Variants in NDFIP1 observed in about 807,000 individuals in gnomAD.
NDFIP1 encodes the protein NEDD4 family-interacting protein 1.
A neutral mutation model predicts 28.8 loss-of-function variants in NDFIP1; 7 were observed. The ratio of observed to expected loss-of-function variants is 0.24; its 90% CI spans 0.14 to 0.46. NDFIP1 has a LOEUF of 0.46. NDFIP1 is among the 20% of genes least tolerant of loss of function. The probability of loss-of-function intolerance (pLI) is 0.99; values close to 1 mark genes in which losing one functional copy is unlikely to be tolerated. For synonymous variants in NDFIP1, 92 were observed against 101.0 expected (o/e 0.91, Z 0.53); for missense variants, 194 against 269.1 (o/e 0.72, Z 1.95).
intron 1 of NDFIP1, among the ~76,000 whole-genome samples, chr5:142,110,899 GT>G (rs1757008207): frequency 6.6e-6 from 1 of 151,290 alleles, no homozygotes; most frequent in African/African-American, 2.4e-5. Context: ...ATGAACCAGG[GT>G]TTGTTCTCAT....
chr5:142,127,321 G>A (rs1757179916), intron 1 of NDFIP1, among the ~76,000 whole-genome samples: 1 of 152,090 alleles, frequency 6.6e-6, no homozygotes, highest in Non-Finnish European at 1.5e-5. Context: ...AACCTTAGTA[G>A]CACCTATTTG....
intron 1 of NDFIP1, among the ~76,000 whole-genome samples, chr5:142,121,425 G>A (rs1757120697): frequency 6.6e-6 from 1 of 152,110 alleles, no homozygotes; most frequent in East Asian, 1.9e-4. Flanking sequence ...ACATATGAAA[G>A]GAATACATAG....
Position 142,137,804 on chromosome 5 carries a change from T to C in NDFIP1, c.441T>C (p.Tyr147=), listed in dbSNP as rs1280972978. The C allele has an allele frequency of 6.2e-7, 1 of 1,614,086 alleles. No homozygotes were observed. The highest frequency in any genetic ancestry group is 1.7e-5 in the Admixed American group (1 of 60,008). The part of the protein sequence containing the change: ...FCLTTSAAGR[Y]GAISGFGLSL... ...TGACCACTTCAGCTGCAGGAAGGTA[T>C]GGGGCCATTTCAGGATTTGGTCTCT... Residue 147 remains tyrosine, a synonymous_variant, in exon 5 of 8, where the codon TAT becomes TAC. Transcript: ENST00000253814.
At chr5:142,149,028 CATAAT>C (rs1338016680) in intron 7 of NDFIP1, among the ~76,000 whole-genome samples, 1 of 151,732 alleles carries the variant, frequency 6.6e-6, no homozygotes, top group Non-Finnish European at 1.5e-5. Flanking sequence ...ACATATGAAG[CATAAT>C]ATATTTTAAA....
At chr5:142,111,253 A>G (rs149073253) in intron 1 of NDFIP1, among the ~76,000 whole-genome samples, 3 of 151,320 alleles carry the variant, frequency 2.0e-5, no homozygotes, top group African/African-American at 4.9e-5. Flanking sequence ...TGCTAGATAA[A>G]TAATGAAATA....
rs12332232 is a variant in NDFIP1 at position 142,147,417 on chromosome 5, G to C, written c.*2+2741G>C. 9.9e-3 allele frequency among the ~76,000 whole-genome samples: 1,509 copies of C among 152,230 alleles called. 25 individuals carry two copies. The highest frequency in any genetic ancestry group is 0.035 in the African/African-American group (1,443 of 41,560). ...GAAAACCGTCATGTGAAGTAAGAAA[G>C]CTTTATTTTTTTCCTCCCTATCGAT... On this transcript the variant is annotated intron_variant, in intron 7 of 7. Coordinates refer to ENST00000253814, the MANE Select transcript of NDFIP1 (RefSeq NM_030571.4).
chr5:142,134,502 A>C (rs1003166970), intron 3 of NDFIP1, among the ~76,000 whole-genome samples: 1 of 152,178 alleles, frequency 6.6e-6, no homozygotes, highest in Non-Finnish European at 1.5e-5. Flanking sequence ...AAGTTAGAAA[A>C]GGAAGCTGCC....
chr5:142,130,121 G>A (rs1596788334), intron 1 of NDFIP1, among the ~76,000 whole-genome samples: 1 of 151,990 alleles, frequency 6.6e-6, no homozygotes, highest in African/African-American at 2.4e-5. Context: ...AGACCCCTAC[G>A]TCAGTTATAT....
chr5:142,130,825 C>T (rs1378812487), intron 1 of NDFIP1, among the ~76,000 whole-genome samples: 1 of 152,096 alleles, frequency 6.6e-6, no homozygotes, highest in East Asian at 1.9e-4. Context: ...CTGTAAATGT[C>T]TCATTCTAGG....
In NDFIP1 at chr5:142,153,647, T is replaced by G. The variant is rs1757470200; in HGVS notation, c.*1919T>G. On this transcript the variant is annotated 3_prime_UTR_variant, in exon 8 of 8. Transcript: ENST00000253814. ...ATTTCGAATCAGATTATAGCAACAA[T>G]GGAGTTTGGAAGTTTGTATGGCCTA... 1 of 299,886 alleles carries G rather than the reference T, an allele frequency of 3.3e-6. No homozygotes were observed. Among genetic ancestry groups the G allele is most frequent in the Non-Finnish European group, 6.6e-6 (1 of 151,504 alleles). 18.6% of individuals were successfully genotyped at this position (299,886 alleles called of 1,614,324 possible). A position where few individuals can be genotyped will look rare whatever the true frequency, so the allele number is the denominator to read the frequency against.
chr5:142,111,827 G>A (rs1204947457), intron 1 of NDFIP1, among the ~76,000 whole-genome samples: 1 of 152,196 alleles, frequency 6.6e-6, no homozygotes, highest in East Asian at 1.9e-4. Context: ...AGCACTTTGG[G>A]AGGCCGAGGT....
intron 6 of NDFIP1, chr5:142,143,948 A>G (rs1757361051): frequency 6.6e-6 from 1 of 152,056 alleles, no homozygotes; most frequent in Admixed American, 6.6e-5. Flanking sequence ...GGCTGTGATC[A>G]TACCGCTGCA....
In NDFIP1 at chr5:142,131,840, A is replaced by C; in HGVS notation, c.96A>C (p.Glu32Asp). ...LQNEEESGEP[E>D]QAAGDAPPPY... ...ATGAAGAAGAGTCTGGAGAACCTGAACAGGCTGCAGGTGATGCTCCTCCAC... is the reference window on the plus strand; with the variant it reads ...ATGAAGAAGAGTCTGGAGAACCTGACCAGGCTGCAGGTGATGCTCCTCCAC... The change falls in exon 2 of 8, where the codon GAA (glutamate) becomes GAC (aspartate). Residue 32 changes from glutamate (E) to aspartate (D), a missense_variant. Transcript: ENST00000253814. 6.3e-7 allele frequency: 1 copy of C among 1,598,284 alleles called. No homozygotes were observed. The highest frequency in any genetic ancestry group is 8.5e-7 in the Non-Finnish European group (1 of 1,175,004).
chr5:142,147,002 C>T (rs1757396113), intron 7 of NDFIP1, among the ~76,000 whole-genome samples: 1 of 152,106 alleles, frequency 6.6e-6, no homozygotes, highest in South Asian at 2.1e-4. Flanking sequence ...AAGTGTTGAG[C>T]CTGCTGGTGC....
chr5:142,117,304 C>T (rs1757078830), intron 1 of NDFIP1, among the ~76,000 whole-genome samples: 3 of 147,026 alleles, frequency 2.0e-5, no homozygotes, highest in Admixed American at 2.0e-4. Context: ...AGTGCAGTGG[C>T]GAAATCTCAG....
chr5:142,141,680 A>G (rs141673729), intron 6 of NDFIP1, among the ~76,000 whole-genome samples: 1,776 of 152,256 alleles, frequency 0.012, 13 homozygotes, highest in Non-Finnish European at 0.017. Flanking sequence ...TGGCTATTAA[A>G]GATGGTGTGA....
intron 6 of NDFIP1, chr5:142,142,928 A>ATATATATATATAT: frequency 1.4e-5 from 1 of 72,854 alleles, no homozygotes; most frequent in African/African-American, 4.1e-5. Flanking sequence ...AAAAAAAAAA[A>ATATATATATATAT]AAAAAAAAAA....
chr5:142,144,441 G>T (rs761213975), intron 6 of NDFIP1, 130 bp from the exon 7 acceptor site: 18 of 676,508 alleles, frequency 2.7e-5, no homozygotes, highest in Non-Finnish European at 4.4e-5. Flanking sequence ...GATTCTGGAG[G>T]AAATTGCTAA....
intron 1 of NDFIP1, among the ~76,000 whole-genome samples, chr5:142,117,728 CT>C (rs10699168): frequency 2.9e-4 from 34 of 116,084 alleles, no homozygotes; most frequent in Admixed American, 3.8e-4. Flanking sequence ...GTTCTACAGG[CT>C]TTTTTTTTTT....
Sources: gnomAD v4.1 joint callset for allele counts (sites outside exome capture counted in the v4.1 genomes callset) on GRCh38, gnomAD v4.1.1 for gene constraint, MANE v1.5 for transcripts, NCBI Gene and HGNC (gene_info 2026-07-23, HGNC 2026-07-21) for gene names.